Variants in CDC14A observed in about 807,000 individuals in gnomAD.
The protein encoded by CDC14A is dual specificity protein phosphatase CDC14A.
A neutral mutation model predicts 74.4 loss-of-function variants in CDC14A; 53 were observed. The observed-to-expected ratio is 0.71, with a 90% confidence interval of 0.57 to 0.89. The LOEUF (loss-of-function observed/expected upper bound fraction) is 0.89. CDC14A is among the 40% of genes least tolerant of loss of function. The pLI, the probability that CDC14A is intolerant of heterozygous loss-of-function variation, is 0.00. For synonymous variants in CDC14A, 247 were observed against 258.4 expected (o/e 0.96, Z 0.43); for missense variants, 646 against 713.7 (o/e 0.91, Z 1.08).
intron 10 of CDC14A, among the ~76,000 whole-genome samples, chr1:100,482,810 C>A (rs939268255): frequency 6.6e-6 from 1 of 151,724 alleles, no homozygotes. Flanking sequence ...AGAGAGATAT[C>A]GAAAGATATA....
At chr1:100,476,721 G>A (rs112705790) in intron 10 of CDC14A, among the ~76,000 whole-genome samples, 1 of 151,818 alleles carries the variant, frequency 6.6e-6, no homozygotes, top group Non-Finnish European at 1.5e-5. Context: ...TATATTTTAA[G>A]GTAATTAGTC....
intron 2 of CDC14A, among the ~76,000 whole-genome samples, chr1:100,359,261 A>C (rs1192913493): frequency 6.6e-6 from 1 of 152,202 alleles, no homozygotes; most frequent in African/African-American, 2.4e-5. Context: ...CAAGCCTAGG[A>C]GTTAGATGCT....
chr1:100,383,143 T>C (rs745853615), intron 3 of CDC14A, among the ~76,000 whole-genome samples: 2 of 152,142 alleles, frequency 1.3e-5, no homozygotes, highest in South Asian at 2.1e-4. Context: ...TCAACTCCCA[T>C]AGGAGCGAGC....
At chr1:100,506,935 G>C (rs1004533166) in intron 15 of CDC14A, among the ~76,000 whole-genome samples, 5 of 152,196 alleles carry the variant, frequency 3.3e-5, no homozygotes, top group African/African-American at 1.2e-4. Flanking sequence ...TAGCACTTTA[G>C]GAGGCTAAGG....
intron 4 of CDC14A, among the ~76,000 whole-genome samples, chr1:100,415,491 T>C (rs1286538608): frequency 6.6e-6 from 1 of 152,210 alleles, no homozygotes; most frequent in Non-Finnish European, 1.5e-5. Context: ...CAGGTTCTGC[T>C]TAACTTCTAT....
chr1:100,495,002 A>C (rs1647577147), intron 12 of CDC14A, 72 bp downstream of exon 12: 2 of 757,700 alleles, frequency 2.6e-6, no homozygotes, highest in South Asian at 1.7e-5. Flanking sequence ...TCTTCTCTTT[A>C]ATCTGTAATC....
intron 2 of CDC14A, 91 bp from the exon 3 acceptor site, chr1:100,377,455 G>A (rs1655431109): frequency 1.2e-6 from 1 of 833,576 alleles, no homozygotes; most frequent in African/African-American, 1.7e-5. Flanking sequence ...AAATTTGATT[G>A]TAAATTTAAT....
At chr1:100,510,391 C>T (rs1433180974) in intron 15 of CDC14A, among the ~76,000 whole-genome samples, 3 of 152,176 alleles carry the variant, frequency 2.0e-5, no homozygotes, top group Non-Finnish European at 4.4e-5. Flanking sequence ...CTTTCTTAAC[C>T]TCAGTTATCT....
chr1:100,412,741 T>TAA (rs1660997806), intron 4 of CDC14A, among the ~76,000 whole-genome samples: 1 of 100,618 alleles, frequency 9.9e-6, no homozygotes, highest in African/African-American at 5.8e-5. Flanking sequence ...ATATATATTT[T>TAA]ATATATATAT....
intron 2 of CDC14A, 26 bp from the exon 3 acceptor site, chr1:100,377,520 C>T (rs745327074): frequency 3.1e-5 from 47 of 1,533,726 alleles, no homozygotes; most frequent in Non-Finnish European, 4.0e-5. Flanking sequence ...CTAAATACTA[C>T]GTTTTTTGTT....
intron 9 of CDC14A, among the ~76,000 whole-genome samples, chr1:100,463,896 C>T (rs1470853708): frequency 6.6e-6 from 1 of 151,988 alleles, no homozygotes; most frequent in Non-Finnish European, 1.5e-5. Context: ...CTCCTAGTGT[C>T]GCTGGGTGGT....
chr1:100,456,723 G>A (rs913506126), intron 8 of CDC14A, among the ~76,000 whole-genome samples: 2 of 151,862 alleles, frequency 1.3e-5, no homozygotes, highest in Non-Finnish European at 2.9e-5. Flanking sequence ...ATGCATTTAG[G>A]TTTTATAATT....
At position 100,498,127 on chromosome 1, in the gene CDC14A, A is replaced by G. The variant is rs765634021; in HGVS notation, c.1341A>G (p.Thr447=). 5 of 1,614,196 alleles carry G rather than the reference A, an allele frequency of 3.1e-6. No individual in the cohort carries two copies. In the South Asian group the frequency reaches 4.4e-5, roughly 14 times the overall value. Residue 447 remains threonine, a synonymous_variant, in exon 14 of 16, where the codon ACA becomes ACG. Transcript: ENST00000336454. ...AAGGATCTGCAGTTACTTTGAAGACATCAAAAATGGCACTGTCCCCTTCAG... is the reference window on the plus strand; with the variant it reads ...AAGGATCTGCAGTTACTTTGAAGACGTCAAAAATGGCACTGTCCCCTTCAG... ...SLQGSAVTLK[T]SKMALSPSAT...
chr1:100,412,591 G>T (rs1660854384), intron 4 of CDC14A, among the ~76,000 whole-genome samples: 1 of 147,340 alleles, frequency 6.8e-6, no homozygotes. Flanking sequence ...CAGGGTGAAG[G>T]GGGGCTGTTT....
chr1:100,349,957 AT>A (rs1190102465), upstream of CDC14A, among the ~76,000 whole-genome samples: 972 of 128,896 alleles, frequency 7.5e-3, 14 homozygotes, highest in East Asian at 0.047. Flanking sequence ...TAAGTTTTGT[AT>A]TTTTTTTTTT....
intron 15 of CDC14A, among the ~76,000 whole-genome samples, chr1:100,503,072 T>A (rs1648924490): frequency 6.6e-6 from 1 of 152,188 alleles, no homozygotes; most frequent in South Asian, 2.1e-4. Flanking sequence ...GAAAACCTCC[T>A]GTGAGAGGGA....
chr1:100,382,831 T>C (rs1291376254), intron 3 of CDC14A, among the ~76,000 whole-genome samples: 1 of 152,200 alleles, frequency 6.6e-6, no homozygotes, highest in African/African-American at 2.4e-5. Flanking sequence ...AACCATTATA[T>C]TGAAGCATTG....
At chr1:100,442,184 CAAG>C (rs1346310664) in intron 6 of CDC14A, among the ~76,000 whole-genome samples, 1 of 149,044 alleles carries the variant, frequency 6.7e-6, no homozygotes, top group African/African-American at 2.5e-5. Context: ...TAAGAGCAGT[CAAG>C]TATAATTCTA....
chr1:100,518,840 A>G lies in CDC14A; in HGVS notation c.*560A>G, dbSNP rs1682141030. ...AGAAAGTGATTTTTATGCTCGCACT[A>G]TAAATATGGCAGGTCAGTTCATTCT... On this transcript the variant is annotated 3_prime_UTR_variant, in exon 16 of 16. Transcript: ENST00000336454. 6.5e-6 allele frequency: 1 copy of G among 152,690 alleles called. No individual in the cohort carries two copies. The highest frequency in any genetic ancestry group is 1.9e-4 in the East Asian group (1 of 5,204). The allele number at this position is 152,690 out of a possible 1,614,324, so 9.5% of individuals were successfully genotyped here. A position where few individuals can be genotyped will look rare whatever the true frequency, so the allele number is the denominator to read the frequency against.
Sources: allele counts gnomAD v4.1 joint callset (sites outside exome capture counted in the v4.1 genomes callset), GRCh38; gene constraint gnomAD v4.1.1; transcripts MANE v1.5; gene names NCBI Gene and HGNC (gene_info 2026-07-23, HGNC 2026-07-21).